Variants in DNAJC1 observed in about 807,000 individuals in gnomAD.
The protein encoded by DNAJC1 is dnaJ homolog subfamily C member 1.
A neutral mutation model predicts 76.6 loss-of-function variants in DNAJC1; 58 were observed. That is an observed-to-expected ratio of 0.76 (90% CI 0.61 to 0.94). The LOEUF (loss-of-function observed/expected upper bound fraction) is 0.94, where lower values mean the gene tolerates loss of function less well. Among genes scored for constraint, DNAJC1 ranks in the 40% least tolerant of loss-of-function variants. The probability of loss-of-function intolerance (pLI) is 0.00; values close to 1 mark genes in which losing one functional copy is unlikely to be tolerated. For missense variants in DNAJC1, 689 were observed against 677.3 expected (o/e 1.02, Z -0.19); for synonymous variants, 258 against 267.9 (o/e 0.96, Z 0.36).
At chr10:21,949,405 CTT>C in intron 1 of DNAJC1, among the ~76,000 whole-genome samples, 3 of 106,214 alleles carry the variant, frequency 2.8e-5, no homozygotes, top group East Asian at 3.3e-4. Flanking sequence ...CCCCCACCCC[CTT>C]CTTCTTTTTT....
intron 1 of DNAJC1, among the ~76,000 whole-genome samples, chr10:21,998,492 C>T (rs1824018843): frequency 6.6e-6 from 1 of 151,792 alleles, no homozygotes; most frequent in Admixed American, 6.6e-5. Context: ...AAATACTGTG[C>T]AGGAACCTAT....
At chr10:21,945,299 TAAG>T (rs1837486680) in intron 1 of DNAJC1, among the ~76,000 whole-genome samples, 1 of 152,164 alleles carries the variant, frequency 6.6e-6, no homozygotes, top group South Asian at 2.1e-4. Flanking sequence ...TACAGATACC[TAAG>T]AAGAGTGGTG....
chr10:21,801,736 C>T (rs1367325055), intron 9 of DNAJC1, among the ~76,000 whole-genome samples: 4 of 152,026 alleles, frequency 2.6e-5, no homozygotes, highest in African/African-American at 7.3e-5. Context: ...TGGAATCAAC[C>T]GAAATCCCAT....
chr10:21,942,897 A>T lies in DNAJC1; in HGVS notation c.223-13756T>A, dbSNP rs74726057. The stretch of plus-strand genomic sequence containing the variant: ...ATGGTTCATTTAAAAAATGAGCAAT[A>T]AGTCTGGTCACAAAGGAAGTCTTAA... On this transcript the variant is annotated intron_variant, in intron 1 of 11. Coordinates refer to ENST00000376980, the MANE Select transcript of DNAJC1 (RefSeq NM_022365.4). Among the ~76,000 whole-genome samples the T allele has an allele frequency of 5.1e-3, 774 of 152,208 alleles. 9 individuals carry two copies. The highest frequency in any genetic ancestry group is 0.018 in the African/African-American group (738 of 41,576).
chr10:21,808,215 T>C (rs1374826746), intron 8 of DNAJC1, among the ~76,000 whole-genome samples: 1 of 152,160 alleles, frequency 6.6e-6, no homozygotes, highest in African/African-American at 2.4e-5. Context: ...TTGTCTACAA[T>C]GTCTAAAATA....
intron 1 of DNAJC1, among the ~76,000 whole-genome samples, chr10:21,963,200 C>T (rs1837829710): frequency 6.6e-6 from 1 of 152,214 alleles, no homozygotes; most frequent in Non-Finnish European, 1.5e-5. Flanking sequence ...ATATGTCTCA[C>T]TAACTACAGC....
intron 1 of DNAJC1, among the ~76,000 whole-genome samples, chr10:21,979,725 T>C (rs1309904966): frequency 1.3e-5 from 2 of 151,816 alleles, no homozygotes; most frequent in East Asian, 3.9e-4. Flanking sequence ...TTTTTTTTTT[T>C]CACCATGGCT....
At chr10:21,970,232 C>T (rs1837956591) in intron 1 of DNAJC1, among the ~76,000 whole-genome samples, 1 of 151,914 alleles carries the variant, frequency 6.6e-6, no homozygotes, top group Admixed American at 6.6e-5. Flanking sequence ...GTGGAACGAA[C>T]ACTATACATT....
chr10:21,862,907 C>T (rs569127510), intron 8 of DNAJC1, among the ~76,000 whole-genome samples: 4 of 152,002 alleles, frequency 2.6e-5, no homozygotes, highest in South Asian at 4.1e-4. Flanking sequence ...CCAAGGTAGG[C>T]GGATTACCTG....
chr10:21,766,269 C>A lies in DNAJC1; in HGVS notation c.1139G>T (p.Cys380Phe). The A allele has an allele frequency of 6.2e-7, 1 of 1,612,614 alleles. No individual in the cohort carries two copies. The change falls in exon 10 of 12, where the codon TGC becomes TTC. Residue 380 changes from cysteine (C) to phenylalanine (F), a missense_variant. Coordinates refer to ENST00000376980, the MANE Select transcript of DNAJC1 (RefSeq NM_022365.4). ...AGGAAGTATGAACTCACCTGGGGAGCAGGTCACTGAATCCTTCAGTTGCTT... is the reference window on the plus strand; with the variant it reads ...AGGAAGTATGAACTCACCTGGGGAGAAGGTCACTGAATCCTTCAGTTGCTT... The part of the protein sequence containing the change: ...KAKQLKDSVT[C>F]SPGMVRLSEL...
At chr10:21,804,057 G>T in intron 9 of DNAJC1, 1 of 637,142 alleles carries the variant, frequency 1.6e-6, no homozygotes, top group South Asian at 7.1e-5. Context: ...ACAGCACCAA[G>T]ACTACTCTAG....
intron 9 of DNAJC1, among the ~76,000 whole-genome samples, chr10:21,799,854 C>A (rs975967227): frequency 6.6e-6 from 1 of 152,096 alleles, no homozygotes; most frequent in Non-Finnish European, 1.5e-5. Context: ...TTGGTCAGTT[C>A]TAGATTCAGA....
chr10:21,825,456 C>T (rs762219192), intron 8 of DNAJC1, among the ~76,000 whole-genome samples: 29 of 152,298 alleles, frequency 1.9e-4, no homozygotes, highest in Admixed American at 3.9e-4. Context: ...CTCCTTCCAC[C>T]TCTTGGCTAC....
intron 3 of DNAJC1, among the ~76,000 whole-genome samples, chr10:21,923,305 T>C (rs758694173): frequency 6.6e-6 from 1 of 151,956 alleles, no homozygotes; most frequent in Non-Finnish European, 1.5e-5. Context: ...TTTTAGAATA[T>C]ATGCTGTTAA....
At chr10:21,966,301 T>G (rs1837887249) in intron 1 of DNAJC1, among the ~76,000 whole-genome samples, 1 of 152,192 alleles carries the variant, frequency 6.6e-6, no homozygotes, top group South Asian at 2.1e-4. Context: ...TTACCATTTT[T>G]CCCTATATAA....
chr10:21,759,137 A>G, intron 11 of DNAJC1, 33 bp downstream of exon 11: 1 of 1,583,446 alleles, frequency 6.3e-7, no homozygotes, highest in Non-Finnish European at 8.6e-7. Flanking sequence ...GGATTCTAAC[A>G]CCTGTGCAGA....
chr10:21,859,847 G>C (rs934364431), intron 8 of DNAJC1, among the ~76,000 whole-genome samples: 1 of 151,766 alleles, frequency 6.6e-6, no homozygotes, highest in East Asian at 1.9e-4. Context: ...ACAGTGGCAC[G>C]ATCTCAGCTC....
chr10:21,835,527 C>T (rs1835435640), intron 8 of DNAJC1, among the ~76,000 whole-genome samples: 1 of 152,104 alleles, frequency 6.6e-6, no homozygotes, highest in Non-Finnish European at 1.5e-5. Context: ...TCAAACTACT[C>T]CGAGCTAAAG....
chr10:21,895,884 T>G (rs1836533186), intron 7 of DNAJC1, among the ~76,000 whole-genome samples: 2 of 152,200 alleles, frequency 1.3e-5, no homozygotes, highest in South Asian at 4.1e-4. Flanking sequence ...CTTGTTTCTT[T>G]CCCACACATT....
Sources: gnomAD v4.1 joint callset for allele counts (sites outside exome capture counted in the v4.1 genomes callset) on GRCh38, gnomAD v4.1.1 for gene constraint, MANE v1.5 for transcripts, NCBI Gene and HGNC (gene_info 2026-07-23, HGNC 2026-07-21) for gene names.